Variants in KLHL14 observed in about 807,000 individuals in gnomAD.
KLHL14 encodes kelch-like protein 14.
In KLHL14, 22 loss-of-function variants were observed where a neutral mutation model predicts 64.3. The ratio of observed to expected loss-of-function variants is 0.34; its 90% CI spans 0.24 to 0.49. The LOEUF is 0.49. Ranked by LOEUF, KLHL14 falls within the 20% of genes least tolerant of loss-of-function variation. KLHL14 has a pLI of 0.99. For synonymous variants in KLHL14, 322 were observed against 333.4 expected, an observed-to-expected ratio of 0.97 and a Z score of 0.37; for missense variants, 661 against 789.0, an observed-to-expected ratio of 0.84 and a Z score of 1.94.
chr18:32,734,708 T>C (rs1209400286), intron 3 of KLHL14, among the ~76,000 whole-genome samples: 1 of 152,222 alleles, frequency 6.6e-6, no homozygotes, highest in African/African-American at 2.4e-5. Context: ...AGCCTGGACA[T>C]TTATGTGTAT....
At chr18:32,716,573 C>T (rs185692079) in intron 3 of KLHL14, among the ~76,000 whole-genome samples, 2 of 152,218 alleles carry the variant, frequency 1.3e-5, no homozygotes, top group South Asian at 2.1e-4. Context: ...CGCCACCACG[C>T]CCAGCTAATT....
chr18:32,736,219 T>G (rs1357523075), intron 3 of KLHL14, among the ~76,000 whole-genome samples: 2 of 152,142 alleles, frequency 1.3e-5, no homozygotes, highest in Non-Finnish European at 2.9e-5. Context: ...GTATTTGGAG[T>G]GACCACCACA....
At position 32,683,079 on chromosome 18, in the gene KLHL14, C is replaced by T. The variant is rs2049850850; in HGVS notation, c.1239-2480G>A. On this transcript the variant is annotated intron_variant, in intron 5 of 8. Transcript: ENST00000359358. This position sits in a 1 kb window ranked among gnomAD's most constrained non-coding sequence, Gnocchi z 4.2. Reference sequence around the variant, plus strand: ...AGATTTTGAAGAATAAGAGGAAGATCTCCCTTTGGTGAACTCATTTTCTTG... The same window carrying T: ...AGATTTTGAAGAATAAGAGGAAGATTTCCCTTTGGTGAACTCATTTTCTTG... Among the ~76,000 whole-genome samples, 1 of 152,188 alleles carries T rather than the reference C, an allele frequency of 6.6e-6. No homozygotes were observed. Among genetic ancestry groups the T allele is most frequent in the Admixed American group, 6.5e-5 (1 of 15,278 alleles).
intron 3 of KLHL14, chr18:32,737,536 A>G (rs958306177): frequency 6.6e-6 from 1 of 152,202 alleles, no homozygotes; most frequent in Non-Finnish European, 1.5e-5. Context: ...AATGTCTTAT[A>G]CAAGCTTTGT....
chr18:32,719,889 C>T (rs1380068315), intron 3 of KLHL14, among the ~76,000 whole-genome samples: 1 of 152,200 alleles, frequency 6.6e-6, no homozygotes, highest in South Asian at 2.1e-4. Context: ...ATGGGATGTG[C>T]TCCCTTCGCA....
At chr18:32,679,265 A>G (rs2049826255) in intron 7 of KLHL14, among the ~76,000 whole-genome samples, 1 of 152,162 alleles carries the variant, frequency 6.6e-6, no homozygotes, top group Admixed American at 6.5e-5. Context: ...AAAATAGAAA[A>G]AACATCTAGA....
chr18:32,706,018 G>T (rs945959776), intron 3 of KLHL14, among the ~76,000 whole-genome samples: 1 of 152,188 alleles, frequency 6.6e-6, no homozygotes, highest in Non-Finnish European at 1.5e-5. Context: ...CAATAACTTT[G>T]TTCCTTTTAG....
intron 2 of KLHL14, among the ~76,000 whole-genome samples, chr18:32,753,226 A>G (rs2050265399): frequency 6.6e-6 from 1 of 152,128 alleles, no homozygotes; most frequent in South Asian, 2.1e-4. Context: ...CTACTTGGGG[A>G]CGCACTATAA....
chr18:32,755,730 C>T (rs528768987), intron 2 of KLHL14, among the ~76,000 whole-genome samples: 10 of 152,238 alleles, frequency 6.6e-5, no homozygotes, highest in African/African-American at 2.2e-4. Flanking sequence ...CTTGGGACCT[C>T]CTTTCAGATC....
chr18:32,715,132 T>C (rs2050038749), intron 3 of KLHL14, among the ~76,000 whole-genome samples: 1 of 152,110 alleles, frequency 6.6e-6, no homozygotes, highest in South Asian at 2.1e-4. Context: ...TTGTTAAAGA[T>C]AGATTTTTAA....
intron 3 of KLHL14, among the ~76,000 whole-genome samples, chr18:32,732,254 T>A (rs2050140673): frequency 6.6e-6 from 1 of 152,152 alleles, no homozygotes; most frequent in African/African-American, 2.4e-5. Flanking sequence ...GAAATGGTTT[T>A]ATATCCTGGT....
chr18:32,717,948 C>G (rs1008910943), intron 3 of KLHL14, among the ~76,000 whole-genome samples: 4 of 152,188 alleles, frequency 2.6e-5, no homozygotes, highest in African/African-American at 9.7e-5. Flanking sequence ...TTTGGCCAAC[C>G]AAGCCAGGCT....
In KLHL14 at chr18:32,742,072, G is replaced by A. The variant is rs1324713624; in HGVS notation, c.948-23C>T. On this transcript the variant is annotated intron_variant, in intron 2 of 8. Transcript: ENST00000359358. Reference sequence around the variant, plus strand: ...ATTCTTCACCCAAAACAAAAGAGGAGATGAATAACCACATTACTGTAGAGT... The same window carrying A: ...ATTCTTCACCCAAAACAAAAGAGGAAATGAATAACCACATTACTGTAGAGT... The A allele has an allele frequency of 1.9e-6, 3 of 1,610,200 alleles. No homozygotes were observed. The South Asian group carries it at 3.3e-5, about 18-fold the overall frequency.
At chr18:32,690,374 G>C (rs187483288) in intron 4 of KLHL14, among the ~76,000 whole-genome samples, 1 of 152,272 alleles carries the variant, frequency 6.6e-6, no homozygotes, top group Admixed American at 6.5e-5. Flanking sequence ...GTATGTGGGG[G>C]AAGGAGATAT....
chr18:32,685,598 C>T (rs16963677), intron 5 of KLHL14, among the ~76,000 whole-genome samples: 1,886 of 152,244 alleles, frequency 0.012, 37 homozygotes, highest in African/African-American at 0.043. Flanking sequence ...CAGGAAGCTT[C>T]GGATTCATTA....
At chr18:32,752,140 AAAAC>A (rs1449178188) in intron 2 of KLHL14, among the ~76,000 whole-genome samples, 3 of 152,184 alleles carry the variant, frequency 2.0e-5, no homozygotes, top group African/African-American at 7.2e-5. Flanking sequence ...AAAACAAAAC[AAAAC>A]AAACAAACAC....
At chr18:32,734,887 T>A (rs2050156443) in intron 3 of KLHL14, among the ~76,000 whole-genome samples, 1 of 151,314 alleles carries the variant, frequency 6.6e-6, no homozygotes, top group African/African-American at 2.4e-5. Flanking sequence ...TGTTACTCTG[T>A]GTGTGTGTGT....
At chr18:32,718,018 A>G (rs2050054966) in intron 3 of KLHL14, among the ~76,000 whole-genome samples, 1 of 152,202 alleles carries the variant, frequency 6.6e-6, no homozygotes, top group Non-Finnish European at 1.5e-5. Context: ...TTATAAAATG[A>G]GTTTTGTATT....
rs2049854989 is a variant in KLHL14 at position 32,683,634 on chromosome 18, C to T, written c.1239-3035G>A. Among the ~76,000 whole-genome samples, 1 of 152,182 alleles carries T rather than the reference C, an allele frequency of 6.6e-6. No homozygotes were observed. The highest frequency in any genetic ancestry group is 2.4e-5 in the African/African-American group (1 of 41,444). ...ATTGTTCATCTCTCCCTCCTTCAGCCTCCCCTGCCCCCACTGCCAGAAGCA... is the reference window on the plus strand; with the variant it reads ...ATTGTTCATCTCTCCCTCCTTCAGCTTCCCCTGCCCCCACTGCCAGAAGCA... On this transcript the variant is annotated intron_variant, in intron 5 of 8. Transcript: ENST00000359358. This position sits in a 1 kb window ranked among gnomAD's most constrained non-coding sequence, Gnocchi z 4.2.
Sources: allele counts gnomAD v4.1 joint callset (sites outside exome capture counted in the v4.1 genomes callset), GRCh38; gene constraint gnomAD v4.1.1; non-coding constraint Gnocchi (gnomAD v3.1); transcripts MANE v1.5; gene names NCBI Gene and HGNC (gene_info 2026-07-23, HGNC 2026-07-21).